SVOPL: variants seen among roughly 807,000 people sequenced by gnomAD.
The protein encoded by SVOPL is putative transporter SVOPL.
A neutral mutation model predicts 61.0 loss-of-function variants in SVOPL; 60 were observed. That is an observed-to-expected ratio of 0.98 (90% CI 0.80 to 1.22). The LOEUF (loss-of-function observed/expected upper bound fraction) is 1.22, where lower values mean the gene tolerates loss of function less well. Among genes scored for constraint, SVOPL ranks in the 50% most tolerant of loss-of-function variants. SVOPL has a pLI of 0.00. For missense variants in SVOPL, 662 were observed against 643.9 expected, an observed-to-expected ratio of 1.03 and a Z score of -0.30; for synonymous variants, 279 against 250.0, an observed-to-expected ratio of 1.12 and a Z score of -1.09.
At chr7:138,595,817 T>G (rs1798252166) in intron 15 of SVOPL, among the ~76,000 whole-genome samples, 1 of 152,166 alleles carries the variant, frequency 6.6e-6, no homozygotes, top group African/African-American at 2.4e-5. Context: ...AACAAAGCCC[T>G]GCATTCACAA....
chr7:138,596,705 T>C (rs1373246266), intron 14 of SVOPL, 175 bp from the exon 15 acceptor site: 1 of 1,334,006 alleles, frequency 7.5e-7, no homozygotes, highest in African/African-American at 1.5e-5. Context: ...GTAGTCATTT[T>C]GTGTGATTAG....
At chr7:138,636,966 AAC>A (rs1800495546) in intron 9 of SVOPL, among the ~76,000 whole-genome samples, 3 of 152,124 alleles carry the variant, frequency 2.0e-5, no homozygotes, top group South Asian at 2.1e-4. Flanking sequence ...CTATAATTAA[AAC>A]AGTGTCATAT....
At chr7:138,699,506 T>C (rs933129408) in intron 1 of SVOPL, among the ~76,000 whole-genome samples, 4 of 152,008 alleles carry the variant, frequency 2.6e-5, no homozygotes, top group Non-Finnish European at 5.9e-5. Context: ...TAAACTTGAG[T>C]GGTGTTGGGA....
chr7:138,680,641 C>G (rs988433253), intron 1 of SVOPL, among the ~76,000 whole-genome samples: 2 of 151,908 alleles, frequency 1.3e-5, no homozygotes, highest in Non-Finnish European at 2.9e-5. Context: ...TGCAGTGGCC[C>G]GATCTCGGCT....
At chr7:138,637,437 T>TAG (rs1439020558) in intron 9 of SVOPL, among the ~76,000 whole-genome samples, 97 of 31,092 alleles carry the variant, frequency 3.1e-3, no homozygotes, top group African/African-American at 0.016. Flanking sequence ...CATATATATA[T>TAG]ATATAGATAG....
At chr7:138,630,221 A>G in intron 9 of SVOPL, 99 bp from the exon 10 acceptor site, 1 of 1,004,340 alleles carries the variant, frequency 1.0e-6, no homozygotes, top group Non-Finnish European at 1.6e-6. Flanking sequence ...ATCATATTGG[A>G]GCATGGTGGC....
At chr7:138,651,584 G>C (rs925530975) in intron 7 of SVOPL, among the ~76,000 whole-genome samples, 5 of 152,036 alleles carry the variant, frequency 3.3e-5, no homozygotes, top group African/African-American at 1.2e-4. Flanking sequence ...TCTCTGTCAC[G>C]TTTTAGTAAT....
At chr7:138,653,635 C>A (rs1235087187) in intron 7 of SVOPL, among the ~76,000 whole-genome samples, 1 of 151,942 alleles carries the variant, frequency 6.6e-6, no homozygotes, top group Admixed American at 6.6e-5. Flanking sequence ...AATCTCATCT[C>A]AACTAAAGAA....
chr7:138,614,621 C>T (rs964019029), intron 14 of SVOPL, among the ~76,000 whole-genome samples: 1 of 152,020 alleles, frequency 6.6e-6, no homozygotes, highest in Admixed American at 6.6e-5. Flanking sequence ...GTCTTGAACT[C>T]CTGACCTCAA....
At chr7:138,673,920 T>C (rs180982790) in intron 3 of SVOPL, among the ~76,000 whole-genome samples, 1,697 of 151,558 alleles carry the variant, frequency 0.011, 10 homozygotes, top group Middle Eastern at 0.017. Flanking sequence ...CGAGGTGGCT[T>C]ACGCCTGTAA....
At position 138,649,517 on chromosome 7, in the gene SVOPL, G is replaced by A. The variant is rs576167969; in HGVS notation, c.535-380C>T. Among the ~76,000 whole-genome samples, 9 of 151,956 alleles carry A rather than the reference G, an allele frequency of 5.9e-5. No homozygotes were observed. In the East Asian group the frequency reaches 1.4e-3, roughly 23 times the overall value. On this transcript the variant is annotated intron_variant, in intron 7 of 15. Coordinates refer to ENST00000674285, the MANE Select transcript of SVOPL (RefSeq NM_001139456.2). ...TCACCATGTTGGCCAGGCTGGTCTC[G>A]AACTCCTGACCTCAAATGATCCACC... is the stretch of plus-strand genomic sequence containing the variant.
chr7:138,644,632 C>A (rs1259785993), intron 9 of SVOPL, 85 bp downstream of exon 9: 2 of 1,530,932 alleles, frequency 1.3e-6, no homozygotes, highest in Non-Finnish European at 8.8e-7. Context: ...GAACAAGGGT[C>A]CCCCCTCCCT....
intron 14 of SVOPL, among the ~76,000 whole-genome samples, chr7:138,599,152 AAAAAACC>A (rs1798403886): frequency 1.8e-5 from 1 of 55,026 alleles, no homozygotes; most frequent in Non-Finnish European, 3.5e-5. Flanking sequence ...AAAAAAAAAA[AAAAAACC>A]AAAAAAAAAA....
chr7:138,630,420 G>A (rs7777726), intron 9 of SVOPL, among the ~76,000 whole-genome samples: 135 of 152,150 alleles, frequency 8.9e-4, no homozygotes, highest in African/African-American at 3.1e-3. Context: ...GCGGGGGTGG[G>A]GATGGTAGGA....
rs1802435480 is a variant in SVOPL, at chr7:138,672,097, GA to G, written c.194del (p.Ile65ThrfsTer3). ...CAGGAGACACAACAGCTATCAACAT[GA>G]TCTCCATGGCCTCAACCACCTTAAA... ...GSTGVVEAME[I>X]MLIAVVSPVI... On this transcript the variant is annotated frameshift_variant, in exon 4 of 16. Transcript: ENST00000674285. LOFTEE classifies it high-confidence loss of function. 6.4e-7 allele frequency: 1 copy of G among 1,551,558 alleles called. No homozygotes were observed. The highest frequency in any genetic ancestry group is 8.7e-7 in the Non-Finnish European group (1 of 1,146,994).
At chr7:138,668,345 C>T (rs1802327392) in intron 4 of SVOPL, among the ~76,000 whole-genome samples, 1 of 152,150 alleles carries the variant, frequency 6.6e-6, no homozygotes, top group African/African-American at 2.4e-5. Flanking sequence ...GTGGGAATTA[C>T]TCCTTCTCTA....
intron 1 of SVOPL, among the ~76,000 whole-genome samples, chr7:138,699,045 G>A (rs977530233): frequency 6.6e-6 from 1 of 152,152 alleles, no homozygotes; most frequent in African/African-American, 2.4e-5. Context: ...CCAACTACTC[G>A]GGAGGCTGAG....
At chr7:138,604,781 C>CAATGGA (rs1233274085) in intron 14 of SVOPL, among the ~76,000 whole-genome samples, 5 of 149,816 alleles carry the variant, frequency 3.3e-5, no homozygotes, top group Admixed American at 3.3e-4. Context: ...GAAATTAGTG[C>CAATGGA]AATGGAAATA....
intron 14 of SVOPL, among the ~76,000 whole-genome samples, chr7:138,610,927 G>A (rs906928269): frequency 2.6e-5 from 4 of 152,186 alleles, no homozygotes; most frequent in African/African-American, 4.8e-5. Flanking sequence ...CCACTTACAG[G>A]TATTTGTAAT....
Sources: allele counts gnomAD v4.1 joint callset (sites outside exome capture counted in the v4.1 genomes callset), GRCh38; gene constraint gnomAD v4.1.1; transcripts MANE v1.5; gene names NCBI Gene and HGNC (gene_info 2026-07-23, HGNC 2026-07-21).